RPSA: variants seen among roughly 807,000 people sequenced by gnomAD.
The protein encoded by RPSA is ribosomal protein SA, also known as small ribosomal subunit protein uS2.
For synonymous variants in RPSA, 103 were observed against 126.7 expected, an observed-to-expected ratio of 0.81 and a Z score of 1.25; for missense variants, 140 against 372.8, an observed-to-expected ratio of 0.38 and a Z score of 5.14.
Position 39,411,729 on chromosome 3 carries a change from C to A in RPSA, c.579C>A (p.His193Gln). The A allele has an allele frequency of 6.2e-7, 1 of 1,600,194 alleles. No individual in the cohort carries two copies. Among genetic ancestry groups the A allele is most frequent in the Non-Finnish European group, 8.5e-7 (1 of 1,179,730 alleles). Residue 193 changes from histidine to glutamine, a missense_variant, in exon 5 of 7, where the codon CAC (histidine) becomes CAA (glutamine). Transcript: ENST00000301821. ...LRMRGTISREHPWEVMPDLYF... is the reference protein window; with the variant it reads ...LRMRGTISREQPWEVMPDLYF... ...TGCGTGGCACCATTTCCCGTGAACA[C>A]CCATGGGAGGTCATGCCTGATCTGT...
rs972830503 is a variant in RPSA at position 39,408,852 on chromosome 3, A to C, written c.252+128A>C. On this transcript the variant is annotated intron_variant, in intron 3 of 6. Coordinates refer to ENST00000301821, the MANE Select transcript of RPSA (RefSeq NM_002295.6). ...CGGTGGCTACGCCTGTAATCCCAGC[A>C]CTTTGGGAGGTGGAGTCCGGCGTAT... 4 of 694,772 alleles carry C rather than the reference A, an allele frequency of 5.8e-6. No individual in the cohort carries two copies. In the East Asian group the frequency reaches 7.8e-5, roughly 14 times the overall value. The allele number at this position is 694,772 out of a possible 1,614,324, so 43.0% of individuals were successfully genotyped here.
At position 39,410,651 on chromosome 3, in the gene RPSA, G is replaced by T. The variant is rs2041992744; in HGVS notation, c.253-103G>T. On this transcript the variant is annotated intron_variant, in intron 3 of 6. Coordinates refer to ENST00000301821, the MANE Select transcript of RPSA (RefSeq NM_002295.6). ...AGCTGGGTATGTGCCTGCTTTACAT[G>T]GAGTAGTAGTGATTAAGTTGGCCAG... 8 of 1,280,586 alleles carry T rather than the reference G, an allele frequency of 6.2e-6. No homozygotes were observed. In the Admixed American group the frequency reaches 1.3e-4, roughly 22 times the overall value. 79.3% of individuals were successfully genotyped at this position (1,280,586 alleles called of 1,614,324 possible).
Position 39,407,649 on chromosome 3 carries a change from T to C in RPSA, c.-5T>C. ...CCCGTCGTAACTTAAAGGGAAATTT[T>C]CACAATGTCCGGAGCCCTTGATGTC... is the stretch of plus-strand genomic sequence containing the variant. On this transcript the variant is annotated 5_prime_UTR_variant, in exon 2 of 7. Coordinates refer to ENST00000301821, the MANE Select transcript of RPSA (RefSeq NM_002295.6). 1 of 1,595,766 alleles carries C rather than the reference T, an allele frequency of 6.3e-7. No homozygotes were observed. Among genetic ancestry groups the C allele is most frequent in the Non-Finnish European group, 8.5e-7 (1 of 1,177,630 alleles).
In RPSA at chr3:39,409,101, A is replaced by AG. The variant is rs1253218198; in HGVS notation, c.252+377_252+378insG. 2.9e-3 allele frequency: 328 copies of AG among 114,902 alleles called. 10 individuals are homozygous for AG. Among genetic ancestry groups the AG allele is most frequent in the Admixed American group, 6.8e-3 (77 of 11,320 alleles). The allele number at this position is 114,902 out of a possible 1,614,324, so 7.1% of individuals were successfully genotyped here. ...CTCTGTCTCAAAAAAAAAAAAAAAG[A>AG]AAATAGAAAACTCAAACTCCACTGT... On this transcript the variant is annotated intron_variant, in intron 3 of 6. Transcript: ENST00000301821.
intron 1 of RPSA, 47 bp from the exon 2 acceptor site, chr3:39,407,574 A>C: frequency 7.0e-7 from 1 of 1,427,998 alleles, no homozygotes; most frequent in East Asian, 2.3e-5. Flanking sequence ...GGTGTGCCCT[A>C]CTTAACTCAA....
Position 39,410,909 on chromosome 3 carries a change from G to A in RPSA, c.408G>A (p.Glu136=), listed in dbSNP as rs1177179935. ...GGGCTGACCACCAGCCTCTCACGGA[G>A]GCATCTTATGTTAACCTACCTACCA... is the stretch of plus-strand genomic sequence containing the variant. ...DPRADHQPLT[E]ASYVNLPTIA... The change falls in exon 4 of 7, where the codon GAG becomes GAA. Residue 136 remains glutamate, a synonymous_variant. Coordinates refer to ENST00000301821, the MANE Select transcript of RPSA (RefSeq NM_002295.6). 1 of 1,593,196 alleles carries A rather than the reference G, an allele frequency of 6.3e-7. No homozygotes were observed. Among genetic ancestry groups the A allele is most frequent in the East Asian group, 2.2e-5 (1 of 44,872 alleles).
intron 1 of RPSA, chr3:39,407,140 C>T (rs777203016): frequency 5.3e-6 from 2 of 376,954 alleles, no homozygotes; most frequent in African/African-American, 4.3e-5. Flanking sequence ...CGGGTTTTCC[C>T]TTCGCGCCGT....
chr3:39,411,353 C>G (rs563412428), intron 4 of RPSA: 1 of 570,176 alleles, frequency 1.8e-6, no homozygotes, highest in South Asian at 1.8e-5. Context: ...CTATAAGATG[C>G]TAAAAAGGTG....
Position 39,407,461 on chromosome 3 carries a change from C to G in RPSA, c.-33-160C>G, listed in dbSNP as rs2041935552. 1.2e-5 allele frequency: 8 copies of G among 674,788 alleles called. 1 individual carries two copies. The South Asian group carries it at 1.3e-4, about 11-fold the overall frequency. 41.8% of individuals were successfully genotyped at this position (674,788 alleles called of 1,614,324 possible). A position where few individuals can be genotyped will look rare whatever the true frequency, so the allele number is the denominator to read the frequency against. On this transcript the variant is annotated intron_variant, in intron 1 of 6. Transcript: ENST00000301821. Reference sequence around the variant, plus strand: ...TTCCTCAGTAAGATGTGCGCTGTTCCGTAATACACGACATGTATGGGTTAA... The same window carrying G: ...TTCCTCAGTAAGATGTGCGCTGTTCGGTAATACACGACATGTATGGGTTAA...
At chr3:39,409,862 T>A (rs2041979948) in intron 3 of RPSA, among the ~76,000 whole-genome samples, 1 of 151,710 alleles carries the variant, frequency 6.6e-6, no homozygotes, top group Admixed American at 6.6e-5. Context: ...GGGTGGCTCA[T>A]GCTTTTGTAA....
Position 39,408,804 on chromosome 3 carries a change from A to G in RPSA, c.252+80A>G, listed in dbSNP as rs560557717. On this transcript the variant is annotated intron_variant, in intron 3 of 6. Coordinates refer to ENST00000301821, the MANE Select transcript of RPSA (RefSeq NM_002295.6). Reference sequence around the variant, plus strand: ...GTGAGACATAGAAAGACATAAGAAAACAGAAATAACTCAGGCCGGGCGCGG... The same window carrying G: ...GTGAGACATAGAAAGACATAAGAAAGCAGAAATAACTCAGGCCGGGCGCGG... 17 of 905,802 alleles carry G rather than the reference A, an allele frequency of 1.9e-5. No individual in the cohort carries two copies. In the African/African-American group the frequency reaches 2.6e-4, roughly 14 times the overall value. 56.1% of individuals were successfully genotyped at this position (905,802 alleles called of 1,614,324 possible).
chr3:39,407,980 C>G (rs1366805641), intron 2 of RPSA, 194 bp downstream of exon 2: 1 of 558,606 alleles, frequency 1.8e-6, no homozygotes, highest in Non-Finnish European at 3.2e-6. Context: ...AGGAATATGT[C>G]AGTTGTCTGA....
intron 3 of RPSA, among the ~76,000 whole-genome samples, chr3:39,409,316 C>G (rs534213841): frequency 6.6e-6 from 1 of 151,018 alleles, no homozygotes; most frequent in Non-Finnish European, 1.5e-5. Context: ...ATTCTCCTGC[C>G]TCATCCTCCC....
chr3:39,409,559 T>G (rs1014013427), intron 3 of RPSA, among the ~76,000 whole-genome samples: 2 of 152,222 alleles, frequency 1.3e-5, no homozygotes, highest in African/African-American at 4.8e-5. Flanking sequence ...CTTTATAATT[T>G]CATTTTGTGT....
Position 39,411,661 on chromosome 3 carries a change from G to C in RPSA, c.511G>C (p.Val171Leu), listed in dbSNP as rs756387621. Residue 171 changes from valine (V) to leucine (L), a missense_variant, in exon 5 of 7, where the codon GTG (valine) becomes CTG (leucine). Physicochemically the swap from Val to Leu is conservative, Grantham distance 32. Transcript: ENST00000301821. ...IPCNNKGAHS[V>L]GLMWWMLARE... is the part of the protein sequence containing the mutation. ...CCACTCTTGGCAGGGAGCTCACTCA[G>C]TGGGTTTGATGTGGTGGATGCTGGC... 1 of 1,609,260 alleles carries C rather than the reference G, an allele frequency of 6.2e-7. No individual in the cohort carries two copies. Among genetic ancestry groups the C allele is most frequent in the Admixed American group, 1.7e-5 (1 of 60,022 alleles).
intron 4 of RPSA, 128 bp downstream of exon 4, chr3:39,411,127 C>A: frequency 1.6e-6 from 2 of 1,214,016 alleles, no homozygotes; most frequent in Non-Finnish European, 2.4e-6. Flanking sequence ...TAGTGTGCTA[C>A]ATGAGGGGCA....
At chr3:39,408,800 G>A (rs961880086) in intron 3 of RPSA, 76 bp downstream of exon 3, 2 of 925,180 alleles carry the variant, frequency 2.2e-6, no homozygotes, top group Non-Finnish European at 3.6e-6. Flanking sequence ...AAAGACATAA[G>A]AAAACAGAAA....
intron 2 of RPSA, chr3:39,408,396 A>T (rs1480373000): frequency 1.3e-6 from 1 of 751,204 alleles, no homozygotes; most frequent in East Asian, 2.5e-5. Context: ...TAGGCTGCAC[A>T]CTATTAAAGC....
At chr3:39,409,726 T>C (rs1452089871) in intron 3 of RPSA, among the ~76,000 whole-genome samples, 2 of 152,158 alleles carry the variant, frequency 1.3e-5, no homozygotes, top group Admixed American at 1.3e-4. Flanking sequence ...TTCCCGTTAA[T>C]TGGGAGTCTG....
Sources: allele counts gnomAD v4.1 joint callset (sites outside exome capture counted in the v4.1 genomes callset), GRCh38; gene constraint gnomAD v4.1.1; transcripts MANE v1.5; gene names NCBI Gene and HGNC (gene_info 2026-07-23, HGNC 2026-07-21).